The following ANTXR2 variants were observed in gnomAD, a reference collection of about 807,000 sequenced individuals.
ANTXR2 encodes the protein ANTXR cell adhesion molecule 2.
In ANTXR2, 44 loss-of-function variants were observed where a neutral mutation model predicts 73.7. The observed-to-expected ratio is 0.60, with a 90% CI of 0.47 to 0.77. The LOEUF is 0.77. Among genes scored for constraint, ANTXR2 ranks in the 30% least tolerant of loss-of-function variants. ANTXR2 has a pLI of 0.00. For synonymous variants in ANTXR2, 217 were observed against 205.9 expected, an observed-to-expected ratio of 1.05 and a Z score of -0.46; for missense variants, 604 against 592.5, an observed-to-expected ratio of 1.02 and a Z score of -0.20.
intron 11 of ANTXR2, among the ~76,000 whole-genome samples, chr4:80,017,980 G>A (rs1317703724): frequency 1.3e-5 from 2 of 152,136 alleles, no homozygotes; most frequent in Non-Finnish European, 2.9e-5. Flanking sequence ...TTTACCTGAA[G>A]CATTGTCTTA....
chr4:80,019,364 G>A (rs1414001803), intron 10 of ANTXR2, among the ~76,000 whole-genome samples: 1 of 152,034 alleles, frequency 6.6e-6, no homozygotes, highest in Non-Finnish European at 1.5e-5. Flanking sequence ...GCGAGACTCA[G>A]TCTCAAAAAA....
intron 14 of ANTXR2, 60 bp downstream of exon 14, chr4:79,983,818 A>T: frequency 7.8e-7 from 1 of 1,276,468 alleles, no homozygotes; most frequent in Non-Finnish European, 1.1e-6. Context: ...TCTATGGCTT[A>T]ATAGCCCTAG....
At chr4:79,948,817 CAG>C (rs1451566597) in intron 16 of ANTXR2, among the ~76,000 whole-genome samples, 1 of 152,070 alleles carries the variant, frequency 6.6e-6, no homozygotes, top group Non-Finnish European at 1.5e-5. Flanking sequence ...AACAGAGAAA[CAG>C]AGAAAAGTCT....
At chr4:80,052,788 T>A (rs1733827043) in intron 7 of ANTXR2, among the ~76,000 whole-genome samples, 1 of 151,624 alleles carries the variant, frequency 6.6e-6, no homozygotes, top group African/African-American at 2.4e-5. Context: ...AGAAGTTACA[T>A]TCTAGAGGTT....
In ANTXR2 at chr4:80,020,536, A is replaced by C. The variant is rs1469114202; in HGVS notation, c.867-1560T>G. On this transcript the variant is annotated intron_variant, in intron 10 of 16. Coordinates refer to ENST00000403729, the MANE Select transcript of ANTXR2 (RefSeq NM_058172.6). The stretch of plus-strand genomic sequence containing the variant: ...TGGGCATTATCTATTTCAACCCTTC[A>C]CAATAGCCCTTGAAGTAAATAGTAG... Among the ~76,000 whole-genome samples the C allele has an allele frequency of 2.0e-5, 3 of 152,338 alleles. No homozygotes were observed. In the East Asian group the frequency reaches 5.8e-4, roughly 29 times the overall value.
At chr4:80,049,160 A>G (rs1200998252) in intron 7 of ANTXR2, among the ~76,000 whole-genome samples, 4 of 151,762 alleles carry the variant, frequency 2.6e-5, no homozygotes, top group Non-Finnish European at 5.9e-5. Flanking sequence ...AAATAGTGAA[A>G]CATCCCATGG....
In ANTXR2 at chr4:80,072,664, G is replaced by A. The variant is rs1578203510; in HGVS notation, c.-104C>T. ...CCCGGCACGCACTCTGGGGTGGGGGGCGGCGAGCAGCTGAGACGCCGGCGC... is the reference window on the plus strand; with the variant it reads ...CCCGGCACGCACTCTGGGGTGGGGGACGGCGAGCAGCTGAGACGCCGGCGC... On this transcript the variant is annotated 5_prime_UTR_variant, in exon 1 of 17. Coordinates refer to ENST00000403729, the MANE Select transcript of ANTXR2 (RefSeq NM_058172.6). 15 of 1,338,914 alleles carry A rather than the reference G, an allele frequency of 1.1e-5. No homozygotes were observed. The highest frequency in any genetic ancestry group is 1.4e-5 in the Non-Finnish European group (15 of 1,048,498). 82.9% of individuals were successfully genotyped at this position (1,338,914 alleles called of 1,614,324 possible).
chr4:79,998,592 C>A (rs1019342083), intron 12 of ANTXR2, among the ~76,000 whole-genome samples: 1 of 151,952 alleles, frequency 6.6e-6, no homozygotes, highest in African/African-American at 2.4e-5. Context: ...ATGAAAACAT[C>A]CATAATTTCT....
At chr4:80,018,300 A>G (rs1252428708) in intron 11 of ANTXR2, among the ~76,000 whole-genome samples, 1 of 152,182 alleles carries the variant, frequency 6.6e-6, no homozygotes, top group African/African-American at 2.4e-5. Context: ...AATCCACAAA[A>G]TTAAATAAAA....
intron 16 of ANTXR2, among the ~76,000 whole-genome samples, chr4:79,959,822 A>G (rs1338939903): frequency 6.6e-6 from 1 of 152,224 alleles, no homozygotes; most frequent in Non-Finnish European, 1.5e-5. Flanking sequence ...GAGACATGCA[A>G]GTGGAATTCA....
At chr4:79,910,538 A>AG (rs1727092567) in intron 16 of ANTXR2, among the ~76,000 whole-genome samples, 1 of 151,624 alleles carries the variant, frequency 6.6e-6, no homozygotes, top group African/African-American at 2.4e-5. Context: ...AAAAGAAAAA[A>AG]AAAAAGAAAA....
chr4:79,910,370 G>A (rs1025161264), intron 16 of ANTXR2, among the ~76,000 whole-genome samples: 6 of 151,736 alleles, frequency 4.0e-5, no homozygotes, highest in Non-Finnish European at 7.4e-5. Context: ...TTAGCTGGGC[G>A]TGGTAGCGCA....
At chr4:79,976,426 C>T (rs1729638717) in intron 16 of ANTXR2, among the ~76,000 whole-genome samples, 1 of 152,150 alleles carries the variant, frequency 6.6e-6, no homozygotes, top group Non-Finnish European at 1.5e-5. Context: ...CCATAAGACA[C>T]ACTGACCAGG....
chr4:79,983,695 G>T (rs1345674922), intron 14 of ANTXR2, among the ~76,000 whole-genome samples, 183 bp downstream of exon 14: 1 of 151,970 alleles, frequency 6.6e-6, no homozygotes, highest in Non-Finnish European at 1.5e-5. Flanking sequence ...AGTTCTTCTA[G>T]GCCAGTTTTG....
intron 16 of ANTXR2, among the ~76,000 whole-genome samples, chr4:79,960,607 G>A (rs1000889108): frequency 2.0e-5 from 3 of 151,720 alleles, no homozygotes; most frequent in Non-Finnish European, 2.9e-5. Context: ...ATGTCCAGGG[G>A]TATTCTTTCA....
intron 12 of ANTXR2, among the ~76,000 whole-genome samples, chr4:79,994,269 C>T (rs955384888): frequency 5.9e-5 from 9 of 151,936 alleles, no homozygotes; most frequent in East Asian, 3.9e-4. Context: ...GAAGCTTAAA[C>T]GATCATTTCC....
Position 80,033,454 on chromosome 4 carries a change from A to G in ANTXR2, c.796+18T>C. 6.4e-7 allele frequency: 1 copy of G among 1,572,758 alleles called. No homozygotes were observed. Among genetic ancestry groups the G allele is most frequent in the Non-Finnish European group, 8.7e-7 (1 of 1,155,762 alleles). ...CTTTGCAGAGATTAAGACAACACTG[A>G]GATTACTGGGGACCTACTCGTTGTA... On this transcript the variant is annotated intron_variant, in intron 9 of 16. Coordinates refer to ENST00000403729, the MANE Select transcript of ANTXR2 (RefSeq NM_058172.6).
In ANTXR2 at chr4:80,072,440, T is replaced by C. The variant is rs1328703860; in HGVS notation, c.121A>G (p.Arg41Gly). 1 of 1,607,204 alleles carries C rather than the reference T, an allele frequency of 6.2e-7. No homozygotes were observed. The highest frequency in any genetic ancestry group is 8.5e-7 in the Non-Finnish European group (1 of 1,177,252). Residue 41 changes from arginine to glycine, a missense_variant, in exon 1 of 17, where the codon AGA becomes GGA. Physicochemically the swap from Arg to Gly is moderately radical, Grantham distance 125. Coordinates refer to ENST00000403729, the MANE Select transcript of ANTXR2 (RefSeq NM_058172.6). ...LRAQEQPSCR[R>G]AFDLYFVLDK... Reference sequence around the variant, plus strand: ...AGGACGAAGTAGAGATCAAAGGCTCTTCTGCAGGAGGGCTGCTCCTGGGCG... The same window carrying C: ...AGGACGAAGTAGAGATCAAAGGCTCCTCTGCAGGAGGGCTGCTCCTGGGCG...
At chr4:79,943,735 T>TA (rs201154009) in intron 16 of ANTXR2, among the ~76,000 whole-genome samples, 3,387 of 141,086 alleles carry the variant, frequency 0.024, 141 homozygotes, top group African/African-American at 0.083. Flanking sequence ...TAGAGTATAA[T>TA]AAAAAAAAAA....
Sources: gnomAD v4.1 joint callset for allele counts (sites outside exome capture counted in the v4.1 genomes callset) on GRCh38, gnomAD v4.1.1 for gene constraint, MANE v1.5 for transcripts, NCBI Gene and HGNC (gene_info 2026-07-23, HGNC 2026-07-21) for gene names.